Variants in RSBN1 observed in about 807,000 individuals in gnomAD.
RSBN1 encodes the protein round spermatid basic protein 1.
Under a neutral mutation model 74.8 loss-of-function variants are expected in RSBN1, and 23 were observed. The observed-to-expected ratio is 0.31, with a 90% confidence interval of 0.22 to 0.44. The LOEUF (loss-of-function observed/expected upper bound fraction) is 0.44, where lower values mean the gene tolerates loss of function less well. Ranked by LOEUF, RSBN1 falls within the 20% of genes least tolerant of loss-of-function variation. The pLI is 1.00. For missense variants in RSBN1, 808 were observed against 1,020.9 expected, an observed-to-expected ratio of 0.79 and a Z score of 2.84; for synonymous variants, 407 against 379.6, an observed-to-expected ratio of 1.07 and a Z score of -0.84.
intron 4 of RSBN1, among the ~76,000 whole-genome samples, chr1:113,771,810 C>CAAAAA (rs71779986): frequency 4.0e-5 from 3 of 75,356 alleles, no homozygotes; most frequent in Non-Finnish European, 7.5e-5. Flanking sequence ...GTTCCTACCT[C>CAAAAA]AAAAAAAAAA....
At chr1:113,799,347 T>C (rs929932762) in intron 1 of RSBN1, among the ~76,000 whole-genome samples, 3 of 152,138 alleles carry the variant, frequency 2.0e-5, no homozygotes, top group African/African-American at 7.2e-5. Flanking sequence ...CTGGCATCTC[T>C]TGGGTCTTAT....
Position 113,812,256 on chromosome 1 carries a change from C to G in RSBN1, c.157G>C (p.Val53Leu), listed in dbSNP as rs1197042172. The change falls in exon 1 of 7, where the codon GTC becomes CTC. Residue 53 changes from valine to leucine, a missense_variant. Around this residue, in one of 6 missense-constraint regions of RSBN1, gnomAD observed 464 missense variants for 401.0 expected, o/e 1.16. Transcript: ENST00000261441. ...GCCCGTACTACGCGCACCGCTCCGA[C>G]CTGCGCAGCCATTTCACCCACAAAC... ...CVFVGEMAAQ[V>L]GAVRVVRAVA... 1 of 1,606,056 alleles carries G rather than the reference C, an allele frequency of 6.2e-7. No individual in the cohort carries two copies. Among genetic ancestry groups the G allele is most frequent in the Non-Finnish European group, 8.5e-7 (1 of 1,179,864 alleles).
At chr1:113,802,296 T>C (rs1660600842) in intron 1 of RSBN1, among the ~76,000 whole-genome samples, 2 of 151,310 alleles carry the variant, frequency 1.3e-5, no homozygotes, top group South Asian at 2.1e-4. Flanking sequence ...TATACTCTAA[T>C]TATGGCTTAG....
chr1:113,798,088 C>A (rs1301774768), intron 1 of RSBN1, 52 bp from the exon 2 acceptor site: 2 of 1,486,896 alleles, frequency 1.3e-6, no homozygotes, highest in Non-Finnish European at 1.8e-6. Flanking sequence ...TGTCAACATA[C>A]AAGCTTCTTA....
rs948568925 is a variant in RSBN1 at position 113,762,989 on chromosome 1, C to A, written c.*2991G>T. ...AAACAAATTCTAAGTACTGAATAAG[C>A]AAATTAAAGGTACAATTAAACCTAG... On this transcript the variant is annotated 3_prime_UTR_variant, in exon 7 of 7. Coordinates refer to ENST00000261441, the MANE Select transcript of RSBN1 (RefSeq NM_018364.5). The A allele has an allele frequency of 6.6e-6, 1 of 152,620 alleles. No individual in the cohort carries two copies. The highest frequency in any genetic ancestry group is 1.5e-5 in the Non-Finnish European group (1 of 67,976). 9.5% of individuals were successfully genotyped at this position (152,620 alleles called of 1,614,324 possible).
intron 2 of RSBN1, 117 bp downstream of exon 2, chr1:113,797,245 CA>C: frequency 1.2e-6 from 1 of 802,452 alleles, no homozygotes; most frequent in Non-Finnish European, 1.9e-6. Context: ...CAATTTGAAG[CA>C]CCTTTATTAC....
Position 113,789,717 on chromosome 1 carries a change from T to C in RSBN1, c.1377+7646A>G, listed in dbSNP as rs545730313. 2.9e-3 allele frequency among the ~76,000 whole-genome samples: 440 copies of C among 152,302 alleles called. 1 individual carries two copies. Among genetic ancestry groups the C allele is most frequent in the African/African-American group, 9.3e-3 (388 of 41,566 alleles). On this transcript the variant is annotated intron_variant, in intron 2 of 6. Coordinates refer to ENST00000261441, the MANE Select transcript of RSBN1 (RefSeq NM_018364.5). The stretch of plus-strand genomic sequence containing the variant: ...AGCTGGTGTCTGCTGAAGAACTGAT[T>C]GCTTGCTTGTTGTGGGGGAGAAATC...
intron 2 of RSBN1, among the ~76,000 whole-genome samples, chr1:113,778,878 C>T (rs945446446): frequency 1.3e-5 from 2 of 152,148 alleles, no homozygotes; most frequent in African/African-American, 4.8e-5. Context: ...AATATGCAGC[C>T]CAGAGCATCC....
Position 113,812,144 on chromosome 1 carries a change from C to T in RSBN1, c.269G>A (p.Arg90Gln). Reference sequence around the variant, plus strand: ...CTCCTGAGACCCCCCACTGCTAGATCGGCGCTGCCGTTTAACTCCCCGCGG... The same window carrying T: ...CTCCTGAGACCCCCCACTGCTAGATTGGCGCTGCCGTTTAACTCCCCGCGG... Reference protein sequence around the residue: ...VSPRGVKRQRRSSSGGSQEKR... With the variant: ...VSPRGVKRQRQSSSGGSQEKR... The change falls in exon 1 of 7, where the codon CGA becomes CAA. Residue 90 changes from arginine (R) to glutamine (Q), a missense_variant. Arg to Gln is a conservative substitution (Grantham distance 43). Coordinates refer to ENST00000261441, the MANE Select transcript of RSBN1 (RefSeq NM_018364.5). 1.2e-6 allele frequency: 2 copies of T among 1,609,672 alleles called. No individual in the cohort carries two copies. The highest frequency in any genetic ancestry group is 1.7e-6 in the Non-Finnish European group (2 of 1,179,760).
In RSBN1 at chr1:113,777,719, A is replaced by G. The variant is rs1660059100; in HGVS notation, c.1467T>C (p.Asp489=). Residue 489 remains aspartate, a synonymous_variant, in exon 3 of 7, where the codon GAT becomes GAC. Coordinates refer to ENST00000261441, the MANE Select transcript of RSBN1 (RefSeq NM_018364.5). ...ACATATCAAGGAACTCTGGGAAATAATCACCAACTTCTTCATCTACTGCTC... is the reference window on the plus strand; with the variant it reads ...ACATATCAAGGAACTCTGGGAAATAGTCACCAACTTCTTCATCTACTGCTC... ...LVGAVDEEVG[D]YFPEFLDMLE... 1 of 1,612,016 alleles carries G rather than the reference A, an allele frequency of 6.2e-7. No homozygotes were observed. The highest frequency in any genetic ancestry group is 1.3e-5 in the African/African-American group (1 of 74,910).
In RSBN1 at chr1:113,763,211, CT is replaced by C. The variant is rs1557992340; in HGVS notation, c.*2768del. On this transcript the variant is annotated 3_prime_UTR_variant, in exon 7 of 7. Transcript: ENST00000261441. ...AATACCATGAAATTATTCTACTTTA[CT>C]AAGTTAGGAATATTCATTTATTGGG... is the stretch of plus-strand genomic sequence containing the variant. The C allele has an allele frequency of 2.0e-5, 3 of 152,702 alleles. No individual in the cohort carries two copies. Among genetic ancestry groups the C allele is most frequent in the African/African-American group, 7.2e-5 (3 of 41,434 alleles). 9.5% of individuals were successfully genotyped at this position (152,702 alleles called of 1,614,324 possible). A position where few individuals can be genotyped will look rare whatever the true frequency, so the allele number is the denominator to read the frequency against.
chr1:113,806,214 A>G (rs917029189), intron 1 of RSBN1, among the ~76,000 whole-genome samples: 2 of 151,978 alleles, frequency 1.3e-5, no homozygotes, highest in African/African-American at 4.8e-5. Context: ...GGGCGCCTGT[A>G]ATCCCAGCTA....
intron 1 of RSBN1, among the ~76,000 whole-genome samples, chr1:113,802,312 G>T (rs1477817330): frequency 1.4e-5 from 2 of 144,852 alleles, no homozygotes; most frequent in African/African-American, 5.1e-5. Flanking sequence ...CTTAGAAGTC[G>T]GAAAAAAAAA....
intron 2 of RSBN1, among the ~76,000 whole-genome samples, chr1:113,783,569 G>A (rs369642632): frequency 6.6e-6 from 1 of 152,130 alleles, no homozygotes; most frequent in East Asian, 1.9e-4. Flanking sequence ...AAATTTCCTG[G>A]GCATATGGCC....
chr1:113,783,858 C>T (rs1179962215), intron 2 of RSBN1, among the ~76,000 whole-genome samples: 1 of 152,218 alleles, frequency 6.6e-6, no homozygotes, highest in Non-Finnish European at 1.5e-5. Context: ...TACCTCGGGA[C>T]TGCTAAACAA....
rs764641247 is a variant in RSBN1, at chr1:113,812,093, G to T, written c.320C>A (p.Pro107His). ...CCGCCGGTGAGGGGGAGCGAGAGGG[G>T]GCTCCTGGCTCGGCCGCCCCCGCTT... Reference protein sequence around the residue: ...QEKRGRPSQEPPLAPPHRRRR... With the variant: ...QEKRGRPSQEHPLAPPHRRRR... Residue 107 changes from proline (P) to histidine (H), a missense_variant, in exon 1 of 7, where the codon CCC becomes CAC. Pro to His is a moderately conservative substitution (Grantham distance 77). This residue lies in a region of RSBN1 where 464 missense variants were observed against 401.0 expected (regional missense o/e 1.16). Transcript: ENST00000261441. 1 of 1,592,648 alleles carries T rather than the reference G, an allele frequency of 6.3e-7. No homozygotes were observed. Among genetic ancestry groups the T allele is most frequent in the Admixed American group, 1.7e-5 (1 of 57,436 alleles).
rs753266946 is a variant in RSBN1 at position 113,811,931 on chromosome 1, G to C, written c.482C>G (p.Pro161Arg). ...LAPAGPAVAA[P>R]LPAPSTSALF... ...GGCCGAGGTGCTTGGGGCCGGGAGA[G>C]GGGCAGCGACAGCGGGCCCGGCGGG... Residue 161 changes from proline to arginine, a missense_variant, in exon 1 of 7, where the codon CCT becomes CGT. Transcript: ENST00000261441. 6.2e-7 allele frequency: 1 copy of C among 1,601,596 alleles called. No homozygotes were observed. Among genetic ancestry groups the C allele is most frequent in the Non-Finnish European group, 8.5e-7 (1 of 1,173,778 alleles).
At position 113,765,172 on chromosome 1, in the gene RSBN1, A is replaced by C. The variant is rs139109872; in HGVS notation, c.*808T>G. The C allele has an allele frequency of 6.6e-6, 1 of 152,436 alleles. No individual in the cohort carries two copies. The highest frequency in any genetic ancestry group is 2.4e-5 in the African/African-American group (1 of 41,582). The allele number at this position is 152,436 out of a possible 1,614,324, so 9.4% of individuals were successfully genotyped here. ...TGTGATCAGTTTAGGAAGCAAAATT[A>C]TCCCCACAAAATGTGAGGATGCCAG... On this transcript the variant is annotated 3_prime_UTR_variant, in exon 7 of 7. Coordinates refer to ENST00000261441, the MANE Select transcript of RSBN1 (RefSeq NM_018364.5).
intron 2 of RSBN1, among the ~76,000 whole-genome samples, chr1:113,786,377 A>T (rs1398862605): frequency 1.3e-5 from 2 of 152,174 alleles, no homozygotes; most frequent in Non-Finnish European, 2.9e-5. Context: ...ATGTTACCTT[A>T]TGGCAAAATG....
Sources: gnomAD v4.1 joint callset for allele counts (sites outside exome capture counted in the v4.1 genomes callset) on GRCh38, gnomAD v4.1.1 for gene constraint, gnomAD v4.1.1 regional missense constraint, MANE v1.5 for transcripts, NCBI Gene and HGNC (gene_info 2026-07-23, HGNC 2026-07-21) for gene names.